The following DNMT3L variants were observed in gnomAD, a reference collection of about 807,000 sequenced individuals.
DNMT3L encodes the protein DNA (cytosine-5)-methyltransferase 3-like.
In DNMT3L, 33 loss-of-function variants were observed where a neutral mutation model predicts 36.2. That is an observed-to-expected ratio of 0.91 (90% CI 0.69 to 1.22). The LOEUF (loss-of-function observed/expected upper bound fraction) is 1.22. DNMT3L is among the 50% of genes most tolerant of loss of function. DNMT3L has a pLI of 0.00. For missense variants in DNMT3L, 310 were observed against 303.1 expected (o/e 1.02, Z -0.17); for synonymous variants, 117 against 121.7 (o/e 0.96, Z 0.26).
intron 7 of DNMT3L, 28 bp downstream of exon 7, chr21:44,256,039 G>T: frequency 6.2e-7 from 1 of 1,612,092 alleles, no homozygotes; most frequent in Non-Finnish European, 8.5e-7. Context: ...ATCTTTCCAT[G>T]TGTGTCTTTG....
intron 8 of DNMT3L, among the ~76,000 whole-genome samples, chr21:44,253,728 AAAC>A (rs1199422651): frequency 1.3e-5 from 2 of 152,244 alleles, no homozygotes; most frequent in African/African-American, 4.8e-5. Flanking sequence ...CAAAAACAAA[AAAC>A]AAAAAAGCCC....
intron 8 of DNMT3L, among the ~76,000 whole-genome samples, chr21:44,253,844 G>T (rs918909148): frequency 6.6e-6 from 1 of 152,146 alleles, no homozygotes; most frequent in Non-Finnish European, 1.5e-5. Flanking sequence ...ATAACAGCCC[G>T]AATCCCATTA....
chr21:44,255,347 C>T (rs1480675201), intron 7 of DNMT3L, among the ~76,000 whole-genome samples: 1 of 151,826 alleles, frequency 6.6e-6, no homozygotes, highest in African/African-American at 2.4e-5. Context: ...ATGGTGAAAC[C>T]CTGTCTCTAC....
At chr21:44,261,070 T>G in intron 2 of DNMT3L, 84 bp downstream of exon 2, 6 of 1,538,554 alleles carry the variant, frequency 3.9e-6, no homozygotes, top group Non-Finnish European at 3.6e-6. Context: ...GCATGAATAC[T>G]CCAGAAGCCT....
Position 44,254,638 on chromosome 21 carries a change from G to C in DNMT3L, c.672C>G (p.Val224=), listed in dbSNP as rs1410190956. The part of the protein sequence containing the change: ...DPGQLKHVVD[V]TDTVRKDVEE... ...TCACATCCTTCCTCACTGTGTCTGT[G>C]ACATCAACCACATGCTTCAGTTGTC... The change falls in exon 8 of 12, where the codon GTC becomes GTG. Residue 224 remains valine (V), a synonymous_variant. Transcript: ENST00000628202. 2 of 1,613,872 alleles carry C rather than the reference G, an allele frequency of 1.2e-6. No homozygotes were observed. The highest frequency in any genetic ancestry group is 1.7e-6 in the Non-Finnish European group (2 of 1,179,970).
chr21:44,259,398 T>G, intron 5 of DNMT3L, 39 bp downstream of exon 5: 1 of 1,600,298 alleles, frequency 6.2e-7, no homozygotes, highest in Non-Finnish European at 8.6e-7. Context: ...GGGTGTGTCC[T>G]CAGCCCCTTC....
In DNMT3L at chr21:44,261,195, G is replaced by A. The variant is rs776559778; in HGVS notation, c.65C>T (p.Ser22Phe). 6 of 1,612,686 alleles carry A rather than the reference G, an allele frequency of 3.7e-6. No homozygotes were observed. In the South Asian group the frequency reaches 6.6e-5, roughly 18 times the overall value. ...EPSMDVILVGSSELSSSVSPG... is the reference protein window; with the variant it reads ...EPSMDVILVGFSELSSSVSPG... ...TGAAACGGAGCTTGAGAGCTCACTGGATCCCACCAAAATCACGTCCATGCT... is the reference window on the plus strand; with the variant it reads ...TGAAACGGAGCTTGAGAGCTCACTGAATCCCACCAAAATCACGTCCATGCT... Residue 22 changes from serine (S) to phenylalanine (F), a missense_variant, in exon 2 of 12, where the codon TCC becomes TTC. Physicochemically the swap from Ser to Phe is radical, Grantham distance 155 (BLOSUM62 -2). Coordinates refer to ENST00000628202, the MANE Select transcript of DNMT3L (RefSeq NM_175867.3).
At chr21:44,259,246 C>T (rs966589199) in intron 5 of DNMT3L, among the ~76,000 whole-genome samples, 191 bp downstream of exon 5, 3 of 152,158 alleles carry the variant, frequency 2.0e-5, no homozygotes, top group Non-Finnish European at 2.9e-5. Context: ...AAATCACAAT[C>T]GCCAACCGTA....
intron 6 of DNMT3L, among the ~76,000 whole-genome samples, chr21:44,256,665 A>T (rs1476261150): frequency 6.6e-6 from 1 of 151,896 alleles, no homozygotes; most frequent in Non-Finnish European, 1.5e-5. Flanking sequence ...AGCTTCCAGA[A>T]CCTCGGAGAA....
In DNMT3L at chr21:44,261,282, C is replaced by G. The variant is rs77287369; in HGVS notation, c.-7-16G>C. ...CATGGGGATGCTGTGTCAGGACACA[C>G]GGACACAGATGTGAGAAAGCCGTCA... On this transcript the variant is annotated splice_polypyrimidine_tract_variant and intron_variant, in intron 1 of 11. Coordinates refer to ENST00000628202, the MANE Select transcript of DNMT3L (RefSeq NM_175867.3). 1.2e-5 allele frequency: 20 copies of G among 1,608,956 alleles called. No individual in the cohort carries two copies. The South Asian group carries it at 2.1e-4, about 17-fold the overall frequency.
chr21:44,260,687 G>A, intron 3 of DNMT3L, 108 bp downstream of exon 3: 1 of 1,441,500 alleles, frequency 6.9e-7, no homozygotes, highest in Non-Finnish European at 9.7e-7. Context: ...CAAACTCCTG[G>A]GCTCAAATGA....
intron 8 of DNMT3L, among the ~76,000 whole-genome samples, chr21:44,253,910 A>C (rs2040237974): frequency 6.6e-6 from 1 of 152,150 alleles, no homozygotes; most frequent in South Asian, 2.1e-4. Context: ...ACGATGTAGC[A>C]AGTGGATAAA....
rs774248074 is a variant in DNMT3L at position 44,258,723 on chromosome 21, G to A, written c.345-29C>T. The A allele has an allele frequency of 8.7e-6, 14 of 1,604,182 alleles. No individual in the cohort carries two copies. Among genetic ancestry groups the A allele is most frequent in the African/African-American group, 1.3e-5 (1 of 74,734 alleles). ...AGGCCAGACAGAAAACCACAGCAGC[G>A]GACATGACAGCCCACCTCTCCTGAG... On this transcript the variant is annotated intron_variant, in intron 5 of 11. Coordinates refer to ENST00000628202, the MANE Select transcript of DNMT3L (RefSeq NM_175867.3). This position sits in a 1 kb window ranked among gnomAD's most constrained non-coding sequence, Gnocchi z 6.2.
At position 44,256,122 on chromosome 21, in the gene DNMT3L, A is replaced by G; in HGVS notation, c.549T>C (p.Pro183=). Residue 183 remains proline, a synonymous_variant, in exon 7 of 12, where the codon CCT becomes CCC. Coordinates refer to ENST00000628202, the MANE Select transcript of DNMT3L (RefSeq NM_175867.3). ...ENPLEMFETV[P]VWRRQPVRVL... ...CCCGGACTGGCTGTCTCCTCCACAC[A>G]GGCACGGTTTCGAACATCTCAAGGG... is the stretch of plus-strand genomic sequence containing the variant. 6.2e-7 allele frequency: 1 copy of G among 1,613,962 alleles called. No homozygotes were observed. The highest frequency in any genetic ancestry group is 2.2e-5 in the East Asian group (1 of 44,884).
rs75104354 is a variant in DNMT3L at position 44,253,876 on chromosome 21, C to T, written c.693+741G>A. ...ATTAGCCCCAAACTCCTCATGCCTCCGGGGCATCATTTTGTGTCCTTCCAC... is the reference window on the plus strand; with the variant it reads ...ATTAGCCCCAAACTCCTCATGCCTCTGGGGCATCATTTTGTGTCCTTCCAC... On this transcript the variant is annotated intron_variant, in intron 8 of 11. Coordinates refer to ENST00000628202, the MANE Select transcript of DNMT3L (RefSeq NM_175867.3). Among the ~76,000 whole-genome samples the T allele has an allele frequency of 4.1e-3, 619 of 152,278 alleles. 3 individuals carry two copies. Among genetic ancestry groups the T allele is most frequent in the African/African-American group, 0.014 (568 of 41,526 alleles).
At position 44,259,548 on chromosome 21, in the gene DNMT3L, T is replaced by A. The variant is rs781068225; in HGVS notation, c.233A>T (p.Asp78Val). 1.2e-6 allele frequency: 2 copies of A among 1,613,666 alleles called. No individual in the cohort carries two copies. The highest frequency in any genetic ancestry group is 1.7e-6 in the Non-Finnish European group (2 of 1,180,008). Residue 78 changes from aspartate (D) to valine (V), a missense_variant and splice_region_variant, in exon 5 of 12, where the codon GAC (aspartate) becomes GTC (valine). By Grantham distance (152) the Asp-to-Val change is radical. Coordinates refer to ENST00000628202, the MANE Select transcript of DNMT3L (RefSeq NM_175867.3). ...FEGGICAPCK[D>V]KFLDALFLYD... ...CAGGAAGAGGGCATCCAGGAACTTG[T>A]CCTTGGAAGGAGCAAAGCAAGGCTG...
rs142812089 is a variant in DNMT3L, at chr21:44,259,506, T to C, written c.275A>G (p.Tyr92Cys). 13 of 1,613,670 alleles carry C rather than the reference T, an allele frequency of 8.1e-6. No individual in the cohort carries two copies. Among genetic ancestry groups the C allele is most frequent in the East Asian group, 2.2e-5 (1 of 44,876 alleles). ...DALFLYDDDG[Y>C]QSYCSICCSG... is the part of the protein sequence containing the mutation. ...GCAGCAGATGGAGCAGTAGGATTGG[T>C]ACCCGTCATCGTCGTACAGGAAGAG... The change falls in exon 5 of 12, where the codon TAC becomes TGC. Residue 92 changes from tyrosine (Y) to cysteine (C), a missense_variant. By Grantham distance (194) the Tyr-to-Cys change is radical (BLOSUM62 -2). Coordinates refer to ENST00000628202, the MANE Select transcript of DNMT3L (RefSeq NM_175867.3).
chr21:44,260,487 C>T (rs577204750), intron 3 of DNMT3L, among the ~76,000 whole-genome samples: 47 of 152,306 alleles, frequency 3.1e-4, no homozygotes, highest in Non-Finnish European at 3.4e-4. Context: ...CAGGATCTCA[C>T]CGTCACCCAG....
chr21:44,259,474 C>T lies in DNMT3L; in HGVS notation c.307G>A (p.Glu103Lys). ...QSYCSICCSG[E>K]TLLICGNPDC... is the part of the protein sequence containing the mutation. The stretch of plus-strand genomic sequence containing the variant: ...GGGTTTCCGCAGATGAGCAGCGTCT[C>T]TCCGGAGCAGCAGATGGAGCAGTAG... Residue 103 changes from glutamate to lysine, a missense_variant, in exon 5 of 12, where the codon GAG (glutamate) becomes AAG (lysine). Glu to Lys is a moderately conservative substitution (Grantham distance 56). Coordinates refer to ENST00000628202, the MANE Select transcript of DNMT3L (RefSeq NM_175867.3). 1 of 1,613,688 alleles carries T rather than the reference C, an allele frequency of 6.2e-7. No homozygotes were observed. The highest frequency in any genetic ancestry group is 2.2e-5 in the East Asian group (1 of 44,880).
Sources: allele counts gnomAD v4.1 joint callset (sites outside exome capture counted in the v4.1 genomes callset), GRCh38; gene constraint gnomAD v4.1.1; non-coding constraint Gnocchi (gnomAD v3.1); transcripts MANE v1.5; gene names NCBI Gene and HGNC (gene_info 2026-07-23, HGNC 2026-07-21).